The following RAD23B variants were observed in gnomAD, a reference collection of about 807,000 sequenced individuals.
The protein encoded by RAD23B is lysine-specific demethylase RAD23B.
RAD23B carries 5 observed loss-of-function variants against 49.1 expected under a neutral mutation model. The observed-to-expected ratio is 0.10, with a 90% confidence interval of 0.05 to 0.21. The LOEUF is 0.21. RAD23B is among the 10% of genes least tolerant of loss of function. The probability of loss-of-function intolerance (pLI) is 1.00; values close to 1 mark genes in which losing one functional copy is unlikely to be tolerated. For missense variants in RAD23B, 356 were observed against 486.7 expected (o/e 0.73, Z 2.53); for synonymous variants, 184 against 165.4 (o/e 1.11, Z -0.86).
chr9:107,325,693 A>C (rs548337884), intron 9 of RAD23B, among the ~76,000 whole-genome samples: 1 of 152,326 alleles, frequency 6.6e-6, no homozygotes, highest in South Asian at 2.1e-4. Flanking sequence ...CTGCACATGG[A>C]GACAGTTTTA....
At chr9:107,321,370 C>T (rs1344963678) in intron 6 of RAD23B, among the ~76,000 whole-genome samples, 1 of 152,152 alleles carries the variant, frequency 6.6e-6, no homozygotes, top group African/African-American at 2.4e-5. Flanking sequence ...CTGAGTGACA[C>T]TTTCTCAGTA....
At chr9:107,322,529 G>A (rs999195817) in intron 7 of RAD23B, among the ~76,000 whole-genome samples, 3 of 152,328 alleles carry the variant, frequency 2.0e-5, no homozygotes, top group African/African-American at 4.8e-5. Context: ...AAATGAAACC[G>A]TGAGAGGTTT....
intron 3 of RAD23B, among the ~76,000 whole-genome samples, chr9:107,305,240 C>G (rs1048939647): frequency 2.0e-5 from 3 of 152,148 alleles, no homozygotes; most frequent in African/African-American, 7.2e-5. Flanking sequence ...GAGGTTGAGG[C>G]TGCAGTGAGC....
Position 107,306,962 on chromosome 9 carries a change from A to G in RAD23B, c.497+315A>G, listed in dbSNP as rs562668145. Among the ~76,000 whole-genome samples, 14 of 152,298 alleles carry G rather than the reference A, an allele frequency of 9.2e-5. No homozygotes were observed. The East Asian group carries it at 2.5e-3, about 27-fold the overall frequency. On this transcript the variant is annotated intron_variant, in intron 4 of 9. Transcript: ENST00000358015. Reference sequence around the variant, plus strand: ...TAGGAAATACAAATAACCAAAATGAATAAGGATTACATCATGACATTGCCA... The same window carrying G: ...TAGGAAATACAAATAACCAAAATGAGTAAGGATTACATCATGACATTGCCA...
rs1827287798 is a variant in RAD23B, at chr9:107,330,540, C to T, written c.*884C>T. ...CAGCATTCACTCTCCCTGTCTTTTC[C>T]CCTTCCCTCAGCAGAAACGTGTTTA... On this transcript the variant is annotated 3_prime_UTR_variant, in exon 10 of 10. Coordinates refer to ENST00000358015, the MANE Select transcript of RAD23B (RefSeq NM_002874.5). This position sits in a 1 kb window ranked among gnomAD's most constrained non-coding sequence, Gnocchi z 4.4. The T allele has an allele frequency of 6.6e-6, 1 of 152,554 alleles. No homozygotes were observed. Among genetic ancestry groups the T allele is most frequent in the South Asian group, 2.1e-4 (1 of 4,822 alleles). The allele number at this position is 152,554 out of a possible 1,614,324, so 9.5% of individuals were successfully genotyped here.
chr9:107,331,462 C>T lies in RAD23B; in HGVS notation c.*1806C>T. 4.0e-6 allele frequency: 2 copies of T among 497,988 alleles called. No homozygotes were observed. The highest frequency in any genetic ancestry group is 7.1e-6 in the Non-Finnish European group (2 of 281,368). The allele number at this position is 497,988 out of a possible 1,614,324, so 30.8% of individuals were successfully genotyped here. A position where few individuals can be genotyped will look rare whatever the true frequency, so the allele number is the denominator to read the frequency against. The stretch of plus-strand genomic sequence containing the variant: ...AGGTTGCCGTGAGCTGAGATCACAC[C>T]ACTGCCATAAACATGACAGGCTTTT... On this transcript the variant is annotated 3_prime_UTR_variant, in exon 10 of 10. Coordinates refer to ENST00000358015, the MANE Select transcript of RAD23B (RefSeq NM_002874.5).
intron 2 of RAD23B, among the ~76,000 whole-genome samples, chr9:107,300,730 A>C (rs1457823982): frequency 1.3e-5 from 2 of 152,218 alleles, no homozygotes; most frequent in African/African-American, 4.8e-5. Context: ...AGTAGGAATT[A>C]TACATTTGAC....
At position 107,295,337 on chromosome 9, in the gene RAD23B, TGAGA is replaced by T. The variant is rs1009083533; in HGVS notation, c.67-4798_67-4795del. 1.8e-4 allele frequency among the ~76,000 whole-genome samples: 28 copies of T among 152,108 alleles called. No individual in the cohort carries two copies. In the South Asian group the frequency reaches 5.4e-3, roughly 29 times the overall value. On this transcript the variant is annotated intron_variant, in intron 1 of 9. Coordinates refer to ENST00000358015, the MANE Select transcript of RAD23B (RefSeq NM_002874.5). ...TAAGTGTGAATGAAAGTGAACTGAG[TGAGA>T]GAGAGGCTGAAAAAGCTGGGGGAGA... is the stretch of plus-strand genomic sequence containing the variant.
chr9:107,285,400 A>G (rs1014256328), intron 1 of RAD23B, among the ~76,000 whole-genome samples: 3 of 152,186 alleles, frequency 2.0e-5, no homozygotes, highest in African/African-American at 2.4e-5. Flanking sequence ...TATAATACTC[A>G]GTTAATTTCA....
intron 3 of RAD23B, among the ~76,000 whole-genome samples, chr9:107,302,987 T>G (rs2133076350): frequency 6.6e-6 from 1 of 152,266 alleles, no homozygotes; most frequent in Non-Finnish European, 1.5e-5. Context: ...TTTTTGTGAT[T>G]TAGTAGGCTG....
chr9:107,283,414 G>A lies in RAD23B; in HGVS notation c.-216G>A, dbSNP rs1217679684. The A allele has an allele frequency of 3.5e-5, 15 of 429,390 alleles. No homozygotes were observed. The East Asian group carries it at 4.2e-4, about 12-fold the overall frequency. 26.6% of individuals were successfully genotyped at this position (429,390 alleles called of 1,614,324 possible). On this transcript the variant is annotated 5_prime_UTR_variant, in exon 1 of 10. Coordinates refer to ENST00000358015, the MANE Select transcript of RAD23B (RefSeq NM_002874.5). ...AGGAAGCACGGCGGCCCGAGTTCGCGGGGAAGGCCGCAGTCGCGGAGGCAG... is the reference window on the plus strand; with the variant it reads ...AGGAAGCACGGCGGCCCGAGTTCGCAGGGAAGGCCGCAGTCGCGGAGGCAG...
chr9:107,319,026 G>C, intron 6 of RAD23B, 147 bp downstream of exon 6: 2 of 754,270 alleles, frequency 2.7e-6, no homozygotes, highest in South Asian at 8.0e-5. Context: ...TTTGTATTTT[G>C]TGTTAATAAA....
chr9:107,306,730 A>T (rs1316487392), intron 4 of RAD23B, 83 bp downstream of exon 4: 1 of 1,439,240 alleles, frequency 6.9e-7, no homozygotes, highest in Non-Finnish European at 9.5e-7. Flanking sequence ...TATTGTTTTG[A>T]TCAAACCGAC....
At chr9:107,305,700 G>A (rs1241172711) in intron 3 of RAD23B, among the ~76,000 whole-genome samples, 1 of 151,870 alleles carries the variant, frequency 6.6e-6, no homozygotes, top group Admixed American at 6.6e-5. Context: ...GAACCTTTTT[G>A]TACTTGGATC....
intron 1 of RAD23B, among the ~76,000 whole-genome samples, chr9:107,292,102 A>T (rs994515263): frequency 6.6e-6 from 1 of 152,202 alleles, no homozygotes; most frequent in Non-Finnish European, 1.5e-5. Flanking sequence ...ACACAACTAC[A>T]CTATTTGTTT....
intron 1 of RAD23B, among the ~76,000 whole-genome samples, chr9:107,287,099 A>G (rs1833286443): frequency 6.6e-6 from 1 of 152,002 alleles, no homozygotes; most frequent in African/African-American, 2.4e-5. Flanking sequence ...AAAATTCTGA[A>G]GTTTAATGGT....
chr9:107,317,301 T>C (rs1827017783), intron 5 of RAD23B, among the ~76,000 whole-genome samples: 1 of 151,786 alleles, frequency 6.6e-6, no homozygotes, highest in South Asian at 2.1e-4. Flanking sequence ...TGCTGGTAAG[T>C]GAGGTGTGGA....
At chr9:107,303,778 C>T (rs1826706560) in intron 3 of RAD23B, among the ~76,000 whole-genome samples, 1 of 152,096 alleles carries the variant, frequency 6.6e-6, no homozygotes, top group African/African-American at 2.4e-5. Flanking sequence ...ATACATAGTA[C>T]ATAATGGGAA....
chr9:107,311,637 T>C (rs766344267), intron 4 of RAD23B, 45 bp from the exon 5 acceptor site: 2 of 1,396,736 alleles, frequency 1.4e-6, no homozygotes, highest in Non-Finnish European at 9.8e-7. Flanking sequence ...TAAATTAAAT[T>C]TTATATACTT....
Sources: gnomAD v4.1 joint callset for allele counts (sites outside exome capture counted in the v4.1 genomes callset) on GRCh38, gnomAD v4.1.1 for gene constraint, Gnocchi (gnomAD v3.1) non-coding constraint, MANE v1.5 for transcripts, NCBI Gene and HGNC (gene_info 2026-07-23, HGNC 2026-07-21) for gene names.